Variants in ABLIM1 observed in about 807,000 individuals in gnomAD.
ABLIM1 encodes the protein actin binding LIM protein 1.
A neutral mutation model predicts 107.0 loss-of-function variants in ABLIM1; 40 were observed. The observed-to-expected ratio is 0.37, with a 90% CI of 0.29 to 0.49. The LOEUF is 0.49. ABLIM1 is among the 20% of genes least tolerant of loss of function. The probability of loss-of-function intolerance (pLI) is 0.97; values close to 1 mark genes in which losing one functional copy is unlikely to be tolerated. For synonymous variants in ABLIM1, 357 were observed against 357.3 expected (o/e 1.00, Z 0.01); for missense variants, 857 against 1,008.5 (o/e 0.85, Z 2.04).
At chr10:114,736,889 T>C (rs1277873779) in intron 1 of ABLIM1, among the ~76,000 whole-genome samples, 1 of 152,100 alleles carries the variant, frequency 6.6e-6, no homozygotes, top group Non-Finnish European at 1.5e-5. Flanking sequence ...CAGGCTATGA[T>C]CAGAATTTGG....
intron 4 of ABLIM1, among the ~76,000 whole-genome samples, chr10:114,568,017 C>T (rs1016720316): frequency 2.0e-5 from 3 of 150,980 alleles, no homozygotes; most frequent in Non-Finnish European, 3.0e-5. Flanking sequence ...GGTGAAACCC[C>T]GTCTCTACTA....
chr10:114,441,021 C>T lies in ABLIM1; in HGVS notation c.2055G>A (p.Val685=). 6.3e-7 allele frequency: 1 copy of T among 1,587,980 alleles called. No homozygotes were observed. The highest frequency in any genetic ancestry group is 8.6e-7 in the Non-Finnish European group (1 of 1,165,912). ...GCCTGGCCATGGGAGCCTCACCTCG[C>T]ACTCCCCCGCTGACATCCCCATAGC... ...YNSYGDVSGG[V]RDYQTLPDGH... The change falls in exon 19 of 23, where the codon GTG becomes GTA. Residue 685 remains valine (V), a synonymous_variant. Transcript: ENST00000533213.
At chr10:114,605,823 A>G (rs2140100372) in intron 1 of ABLIM1, among the ~76,000 whole-genome samples, 1 of 152,256 alleles carries the variant, frequency 6.6e-6, no homozygotes, top group South Asian at 2.1e-4. Context: ...TTGCTTACTG[A>G]GGAGTTTCAC....
chr10:114,589,680 C>A lies in ABLIM1; in HGVS notation c.379+12147G>T, dbSNP rs547976248. Among the ~76,000 whole-genome samples the A allele has an allele frequency of 3.3e-5, 5 of 152,248 alleles. No homozygotes were observed. In the East Asian group the frequency reaches 9.6e-4, roughly 29 times the overall value. On this transcript the variant is annotated intron_variant, in intron 2 of 22. Coordinates refer to ENST00000533213, the MANE Select transcript of ABLIM1 (RefSeq NM_002313.7). Reference sequence around the variant, plus strand: ...GCCTCAGCCTCCTGAGTAGCTGGGACAACAAATGTGTGCCACCATGCCTGG... The same window carrying A: ...GCCTCAGCCTCCTGAGTAGCTGGGAAAACAAATGTGTGCCACCATGCCTGG...
At chr10:114,746,945 G>A (rs2082397799) in intron 1 of ABLIM1, among the ~76,000 whole-genome samples, 1 of 151,972 alleles carries the variant, frequency 6.6e-6, no homozygotes, top group African/African-American at 2.4e-5. Flanking sequence ...ATATATTTTG[G>A]ATATTAAACT....
At chr10:114,734,180 G>A (rs918847361) in intron 1 of ABLIM1, among the ~76,000 whole-genome samples, 7 of 151,988 alleles carry the variant, frequency 4.6e-5, no homozygotes, top group African/African-American at 1.7e-4. Context: ...AACTTTAATA[G>A]CTGGATTCAG....
upstream of ABLIM1, among the ~76,000 whole-genome samples, chr10:114,768,375 GCCGGGCGGGGCTCTGTCC>G (rs1297374898): frequency 1.3e-5 from 2 of 150,508 alleles, no homozygotes; most frequent in East Asian, 1.9e-4. Context: ...CTGCCGCGGC[GCCGGGCGGGGCTCTGTCC>G]CCGAGGAACG....
intron 1 of ABLIM1, among the ~76,000 whole-genome samples, chr10:114,741,094 A>G (rs1315106202): frequency 2.0e-5 from 3 of 151,766 alleles, no homozygotes; most frequent in Non-Finnish European, 4.4e-5. Context: ...GGGGTGATAC[A>G]TAGACTGAAA....
chr10:114,555,410 A>G (rs2068599354), intron 4 of ABLIM1, among the ~76,000 whole-genome samples: 2 of 152,168 alleles, frequency 1.3e-5, no homozygotes, highest in South Asian at 2.1e-4. Flanking sequence ...CAGAGGACAA[A>G]TCTTCTTTTC....
intron 6 of ABLIM1, among the ~76,000 whole-genome samples, chr10:114,494,928 G>A (rs926613779): frequency 6.6e-6 from 1 of 152,152 alleles, no homozygotes; most frequent in Admixed American, 6.5e-5. Flanking sequence ...CTAGTATATT[G>A]CCTGGCACCA....
chr10:114,632,933 T>A (rs1215508715), intron 1 of ABLIM1, among the ~76,000 whole-genome samples: 2 of 152,136 alleles, frequency 1.3e-5, no homozygotes, highest in Non-Finnish European at 2.9e-5. Flanking sequence ...TCACGGGCTG[T>A]CCTGTGACCT....
intron 10 of ABLIM1, among the ~76,000 whole-genome samples, chr10:114,469,091 G>A (rs983148899): frequency 6.8e-6 from 1 of 147,460 alleles, no homozygotes; most frequent in Non-Finnish European, 1.5e-5. Context: ...GACTAGATAT[G>A]ATTGTGATAC....
At chr10:114,779,818 A>C in the ABLIM1 span, 1 of 152,060 alleles carries the variant, frequency 6.6e-6, no homozygotes, top group Admixed American at 6.6e-5. Flanking sequence ...ACCAGGCTGC[A>C]CTGAGTATCC....
intron 2 of ABLIM1, among the ~76,000 whole-genome samples, chr10:114,594,803 A>G (rs1288467358): frequency 6.6e-6 from 1 of 152,160 alleles, no homozygotes; most frequent in Non-Finnish European, 1.5e-5. Flanking sequence ...AAATAAACAT[A>G]TGGTTATTGT....
intron 1 of ABLIM1, among the ~76,000 whole-genome samples, chr10:114,647,067 C>T (rs2079040953): frequency 6.6e-6 from 1 of 152,200 alleles, no homozygotes; most frequent in Non-Finnish European, 1.5e-5. Flanking sequence ...ACGATCTTGG[C>T]TCACTGCAAC....
chr10:114,484,788 T>G (rs2057932540), intron 8 of ABLIM1, among the ~76,000 whole-genome samples: 1 of 152,096 alleles, frequency 6.6e-6, no homozygotes, highest in African/African-American at 2.4e-5. Flanking sequence ...CCTCATCCCC[T>G]CATGGGCAAA....
intron 1 of ABLIM1, among the ~76,000 whole-genome samples, chr10:114,717,991 A>AAAGGAAGGAAGGAAGGAAGG (rs3061776): frequency 8.6e-4 from 75 of 86,854 alleles, no homozygotes; most frequent in Middle Eastern, 6.8e-3. Context: ...AGAAAGAAAG[A>AAAGGAAGGAAGGAAGGAAGG]AAGGAAGGAA....
At chr10:114,601,281 T>A (rs2075971192) in intron 2 of ABLIM1, among the ~76,000 whole-genome samples, 1 of 151,226 alleles carries the variant, frequency 6.6e-6, no homozygotes, top group Non-Finnish European at 1.5e-5. Context: ...TTTTTTTTTT[T>A]AAGACGGAGT....
intron 12 of ABLIM1, among the ~76,000 whole-genome samples, chr10:114,455,609 C>T (rs1200711271): frequency 6.6e-6 from 1 of 152,108 alleles, no homozygotes; most frequent in Admixed American, 6.6e-5. Context: ...CTCAGGGTAT[C>T]GCCTGGCCAG....
Sources: gnomAD v4.1 joint callset for allele counts (sites outside exome capture counted in the v4.1 genomes callset) on GRCh38, gnomAD v4.1.1 for gene constraint, MANE v1.5 for transcripts, NCBI Gene and HGNC (gene_info 2026-07-23, HGNC 2026-07-21) for gene names.